ECE1: variants seen among roughly 807,000 people sequenced by gnomAD.
ECE1 encodes endothelin converting enzyme 1.
A neutral mutation model predicts 98.6 loss-of-function variants in ECE1; 35 were observed. That is an observed-to-expected ratio of 0.35 (90% CI 0.27 to 0.47). The LOEUF is 0.47. ECE1 is among the 20% of genes least tolerant of loss of function. The probability of loss-of-function intolerance (pLI) is 1.00; values close to 1 mark genes in which losing one functional copy is unlikely to be tolerated. For synonymous variants in ECE1, 394 were observed against 407.1 expected, an observed-to-expected ratio of 0.97 and a Z score of 0.39; for missense variants, 814 against 1,025.3, an observed-to-expected ratio of 0.79 and a Z score of 2.81.
chr1:21,268,038 C>T (rs2098236080), intron 4 of ECE1, among the ~76,000 whole-genome samples: 1 of 152,146 alleles, frequency 6.6e-6, no homozygotes, highest in African/African-American at 2.4e-5. Context: ...TTTTTGTATG[C>T]GTTCATCTTA....
At position 21,253,452 on chromosome 1, in the gene ECE1, G is replaced by A. The variant is rs931405065; in HGVS notation, c.1020+2495C>T. 2.0e-5 allele frequency among the ~76,000 whole-genome samples: 3 copies of A among 152,044 alleles called. No homozygotes were observed. In the South Asian group the frequency reaches 6.2e-4, roughly 32 times the overall value. On this transcript the variant is annotated intron_variant, in intron 8 of 18. Transcript: ENST00000374893. ...CATGGTTTTTGATCTGTTCTCAAAGGACTCTGTGACTTAAAGTTAAGAACC... is the reference window on the plus strand; with the variant it reads ...CATGGTTTTTGATCTGTTCTCAAAGAACTCTGTGACTTAAAGTTAAGAACC...
intron 9 of ECE1, 87 bp from the exon 10 acceptor site, chr1:21,245,190 C>T (rs2098201750): frequency 4.9e-6 from 6 of 1,212,432 alleles, no homozygotes; most frequent in Non-Finnish European, 7.2e-6. Context: ...AGGGGGCTCT[C>T]AAACTTGGCC....
intron 1 of ECE1, among the ~76,000 whole-genome samples, chr1:21,342,445 C>T (rs1176393399): frequency 1.3e-5 from 2 of 152,110 alleles, no homozygotes; most frequent in Non-Finnish European, 2.9e-5. Flanking sequence ...CCACGGCTTG[C>T]ACTGGGAGAA....
chr1:21,227,003 C>T (rs2098175192), intron 16 of ECE1, among the ~76,000 whole-genome samples, 156 bp downstream of exon 16: 1 of 152,096 alleles, frequency 6.6e-6, no homozygotes, highest in Admixed American at 6.5e-5. Flanking sequence ...GGATTACAGG[C>T]ATAATCCATC....
At chr1:21,245,414 C>A (rs971791252) in intron 9 of ECE1, among the ~76,000 whole-genome samples, 24 of 152,168 alleles carry the variant, frequency 1.6e-4, no homozygotes, top group African/African-American at 4.8e-4. Flanking sequence ...AGCATGGAGA[C>A]CCACCCCAAT....
At position 21,299,019 on chromosome 1, in the gene ECE1, C is replaced by G. The variant is rs1236865144; in HGVS notation, c.4-8863G>C. On this transcript the variant is annotated intron_variant, in intron 1 of 18. Transcript: ENST00000415912. ...TGTCCTGGACTGTGTGATGACCAGGCTGGGGAAGTCCCAATCTGAAGAGAC... is the reference window on the plus strand; with the variant it reads ...TGTCCTGGACTGTGTGATGACCAGGGTGGGGAAGTCCCAATCTGAAGAGAC... The G allele has an allele frequency of 3.2e-5, 12 of 380,616 alleles. No individual in the cohort carries two copies. In the East Asian group the frequency reaches 8.8e-4, roughly 28 times the overall value. The allele number at this position is 380,616 out of a possible 1,614,324, so 23.6% of individuals were successfully genotyped here.
chr1:21,344,773 CCT>C (rs1221781530), intron 1 of ECE1, among the ~76,000 whole-genome samples: 2 of 152,214 alleles, frequency 1.3e-5, no homozygotes, highest in Non-Finnish European at 2.9e-5. Flanking sequence ...GTGCAGGGCC[CCT>C]GAGTGTCCCC....
intron 4 of ECE1, among the ~76,000 whole-genome samples, chr1:21,272,380 C>T (rs1316324186): frequency 6.6e-6 from 1 of 152,228 alleles, no homozygotes; most frequent in Non-Finnish European, 1.5e-5. Context: ...CAACCTCTGC[C>T]TCCCAGTTTC....
intron 1 of ECE1, among the ~76,000 whole-genome samples, chr1:21,321,540 T>C (rs980382792): frequency 6.6e-6 from 1 of 151,934 alleles, no homozygotes; most frequent in Non-Finnish European, 1.5e-5. Context: ...CTACGGTGTG[T>C]TGGGCCAGGC....
intron 4 of ECE1, among the ~76,000 whole-genome samples, chr1:21,261,871 G>C: frequency 6.6e-6 from 1 of 152,314 alleles, no homozygotes. Flanking sequence ...ACTGGGTTGC[G>C]CGGAGCAGGA....
intron 12 of ECE1, 62 bp downstream of exon 12, chr1:21,236,684 C>T: frequency 6.6e-7 from 1 of 1,507,774 alleles, no homozygotes; most frequent in South Asian, 1.1e-5. Context: ...TCTCCTTCCC[C>T]CACCCTCCTC....
chr1:21,323,586 T>C (rs1639008823), intron 1 of ECE1, among the ~76,000 whole-genome samples: 1 of 151,716 alleles, frequency 6.6e-6, no homozygotes, highest in Non-Finnish European at 1.5e-5. Flanking sequence ...ATTGTGCCAC[T>C]GCACTCCAGC....
At chr1:21,285,710 G>T (rs1158437959) in intron 2 of ECE1, among the ~76,000 whole-genome samples, 1 of 115,508 alleles carries the variant, frequency 8.7e-6, no homozygotes, top group South Asian at 2.8e-4. Context: ...AAAAAAAAAA[G>T]GCTGGGCACA....
chr1:21,240,209 C>T (rs1032694785), intron 10 of ECE1, among the ~76,000 whole-genome samples: 13 of 147,418 alleles, frequency 8.8e-5, no homozygotes, highest in Non-Finnish European at 1.8e-4. Context: ...CAAAAAAGGC[C>T]GGGATGGTGG....
rs1380910415 is a variant in ECE1 at position 21,236,668 on chromosome 1, C to A, written c.1488+78G>T. ...CTGCCTCAAAAAACAAACAAAAAAA[C>A]CGGCCTCTCCTTCCCCCACCCTCCT... On this transcript the variant is annotated intron_variant, in intron 12 of 18. Transcript: ENST00000374893. The A allele has an allele frequency of 3.6e-6, 5 of 1,372,864 alleles. No individual in the cohort carries two copies. In the Admixed American group the frequency reaches 6.7e-5, roughly 18 times the overall value. The allele number at this position is 1,372,864 out of a possible 1,614,324, so 85.0% of individuals were successfully genotyped here. A position where few individuals can be genotyped will look rare whatever the true frequency, so the allele number is the denominator to read the frequency against.
intron 1 of ECE1, among the ~76,000 whole-genome samples, chr1:21,296,674 G>A (rs1638362940): frequency 6.6e-6 from 1 of 152,192 alleles, no homozygotes; most frequent in Non-Finnish European, 1.5e-5. Flanking sequence ...CAGATGCAGA[G>A]ACTGAGGCTC....
In ECE1 at chr1:21,260,274, C is replaced by A; in HGVS notation, c.612G>T (p.Glu204Asp). Residue 204 changes from glutamate (E) to aspartate (D), a missense_variant, in exon 5 of 19, where the codon GAG becomes GAT. By Grantham distance (45) the Glu-to-Asp change is conservative. Coordinates refer to ENST00000374893, the MANE Select transcript of ECE1 (RefSeq NM_001397.3). The surrounding 1 kb of genome is among the most constrained non-coding windows in gnomAD (Gnocchi z 4.3). Reference sequence around the variant, plus strand: ...AGGGAGAGCCCGAGGCACTCACCCTCTCAATCAACTCCATTAGAGGTTTGG... The same window carrying A: ...AGGGAGAGCCCGAGGCACTCACCCTATCAATCAACTCCATTAGAGGTTTGG... ...LRAKPLMELI[E>D]RLGGWNITGP... 1.2e-6 allele frequency: 2 copies of A among 1,614,246 alleles called. No individual in the cohort carries two copies.
At position 21,256,019 on chromosome 1, in the gene ECE1, G is replaced by A. The variant is rs905764705; in HGVS notation, c.948C>T (p.Asn316=). The A allele has an allele frequency of 1.5e-5, 24 of 1,613,918 alleles. No individual in the cohort carries two copies. In the Admixed American group the frequency reaches 1.8e-4, roughly 12 times the overall value. ...QILDFETALA[N]ITIPQEKRRD... ...GGCGCTTCTCCTGTGGGATGGTGAT[G>A]TTGGCCAGTGCCGTCTCAAAGTCCA... Residue 316 remains asparagine, a synonymous_variant, in exon 8 of 19, where the codon AAC becomes AAT. Coordinates refer to ENST00000374893, the MANE Select transcript of ECE1 (RefSeq NM_001397.3).
chr1:21,342,904 C>T (rs1483915903), intron 1 of ECE1, among the ~76,000 whole-genome samples: 1 of 152,172 alleles, frequency 6.6e-6, no homozygotes. Flanking sequence ...AACAATCCAC[C>T]GTGGACTTCC....
Sources: gnomAD v4.1 joint callset for allele counts (sites outside exome capture counted in the v4.1 genomes callset) on GRCh38, gnomAD v4.1.1 for gene constraint, Gnocchi (gnomAD v3.1) non-coding constraint, MANE v1.5 for transcripts, NCBI Gene and HGNC (gene_info 2026-07-23, HGNC 2026-07-21) for gene names.